GAPVD1: variants seen among roughly 807,000 people sequenced by gnomAD.
The protein encoded by GAPVD1 is GTPase activating protein and VPS9 domains 1, also known as GTPase-activating protein and VPS9 domain-containing protein 1.
Under a neutral mutation model 155.5 loss-of-function variants are expected in GAPVD1, and 35 were observed. The ratio of observed to expected loss-of-function variants is 0.23; its 90% CI spans 0.17 to 0.30. The LOEUF (loss-of-function observed/expected upper bound fraction) is 0.30. GAPVD1 is among the 10% of genes least tolerant of loss of function. The pLI is 1.00. For synonymous variants in GAPVD1, 636 were observed against 619.7 expected (o/e 1.03, Z -0.39); for missense variants, 1,429 against 1,775.7 (o/e 0.80, Z 3.51).
intron 23 of GAPVD1, 56 bp downstream of exon 23, chr9:125,350,928 C>A: frequency 7.6e-7 from 1 of 1,309,470 alleles, no homozygotes; most frequent in East Asian, 2.3e-5. Flanking sequence ...CAAGTGTTTT[C>A]TTTTTTATCC....
intron 26 of GAPVD1, 135 bp from the exon 27 acceptor site, chr9:125,360,393 C>T (rs1850732381): frequency 1.6e-6 from 1 of 625,762 alleles, no homozygotes; most frequent in Non-Finnish European, 2.9e-6. Context: ...GGAAAGGGGC[C>T]TGCAATATGG....
intron 2 of GAPVD1, among the ~76,000 whole-genome samples, chr9:125,269,968 C>T (rs1033570592): frequency 4.6e-5 from 7 of 151,892 alleles, no homozygotes; most frequent in Non-Finnish European, 1.0e-4. Flanking sequence ...ATCTGCCCGC[C>T]TTGGCCTCTG....
At chr9:125,295,429 C>CTTTTTTT (rs35877971) in intron 2 of GAPVD1, 29 bp from the exon 3 acceptor site, 2 of 105,258 alleles carry the variant, frequency 1.9e-5, no homozygotes, top group African/African-American at 3.7e-5. Context: ...TTTCCTCAAT[C>CTTTTTTT]TTTTTTTTTT....
At chr9:125,265,809 A>G (rs1833842018) in intron 1 of GAPVD1, among the ~76,000 whole-genome samples, 1 of 148,020 alleles carries the variant, frequency 6.8e-6, no homozygotes, top group Non-Finnish European at 1.5e-5. Context: ...GCTCATGCCT[A>G]TAATTTTAGC....
chr9:125,309,587 G>A lies in GAPVD1; in HGVS notation c.1441+1707G>A, dbSNP rs534992752. 4.7e-4 allele frequency among the ~76,000 whole-genome samples: 72 copies of A among 152,166 alleles called. 1 individual carries two copies. The South Asian group carries it at 0.015, about 31-fold the overall frequency. On this transcript the variant is annotated intron_variant, in intron 8 of 27. Transcript: ENST00000297933. ...TGACCTCAGGTGATCCACCTGCCTC[G>A]GCCTCCCAAAGGGCTGGGATTACAG...
chr9:125,351,280 C>T (rs1035703533), intron 23 of GAPVD1, among the ~76,000 whole-genome samples: 2 of 152,194 alleles, frequency 1.3e-5, no homozygotes, highest in African/African-American at 4.8e-5. Context: ...TTACCTCCCA[C>T]TGGGTCCCTC....
chr9:125,263,598 C>G, intron 1 of GAPVD1: 4 of 1,425,648 alleles, frequency 2.8e-6, no homozygotes, highest in Non-Finnish European at 3.9e-6. Flanking sequence ...AGGTGGCTGA[C>G]CACGTCCACG....
intron 22 of GAPVD1, 44 bp from the exon 23 acceptor site, chr9:125,350,669 T>A: frequency 8.1e-7 from 1 of 1,238,754 alleles, no homozygotes; most frequent in Non-Finnish European, 1.2e-6. Context: ...TTTAAGCACA[T>A]GGAAATTCTC....
rs1381032272 is a variant in GAPVD1 at position 125,366,353 on chromosome 9, A to G, written c.*3607A>G. ...CACTTTGGACCGAGTAAGGTCAACT[A>G]GGTGTTTTAAAATTGTTTTTCTCCT... is the stretch of plus-strand genomic sequence containing the variant. On this transcript the variant is annotated 3_prime_UTR_variant, in exon 28 of 28. Coordinates refer to ENST00000297933, the MANE Select transcript of GAPVD1 (RefSeq NM_001282680.3). 6.6e-6 allele frequency: 1 copy of G among 152,148 alleles called. No individual in the cohort carries two copies. The highest frequency in any genetic ancestry group is 1.5e-5 in the Non-Finnish European group (1 of 68,030). The allele number at this position is 152,148 out of a possible 1,614,324, so 9.4% of individuals were successfully genotyped here.
intron 15 of GAPVD1, chr9:125,335,172 A>G (rs1265478701): frequency 1.3e-6 from 1 of 759,280 alleles, no homozygotes; most frequent in Non-Finnish European, 2.4e-6. Context: ...GTGAGGCCAG[A>G]TTTTCTTTAT....
At position 125,279,178 on chromosome 9, in the gene GAPVD1, C is replaced by G. The variant is rs1475826136; in HGVS notation, c.-150+10194C>G. On this transcript the variant is annotated intron_variant, in intron 2 of 27. Coordinates refer to ENST00000297933, the MANE Select transcript of GAPVD1 (RefSeq NM_001282680.3). Reference sequence around the variant, plus strand: ...AGTGAGCCGAGATCACACCACTGCACTCGTCTGGGAGACAGAACAAGACTC... The same window carrying G: ...AGTGAGCCGAGATCACACCACTGCAGTCGTCTGGGAGACAGAACAAGACTC... Among the ~76,000 whole-genome samples the G allele has an allele frequency of 2.0e-5, 3 of 150,392 alleles. No homozygotes were observed. In the East Asian group the frequency reaches 5.8e-4, roughly 29 times the overall value.
Position 125,312,594 on chromosome 9 carries a change from G to GA in GAPVD1, c.1585dup (p.Met529AsnfsTer6). On this transcript the variant is annotated frameshift_variant, in exon 9 of 28. Transcript: ENST00000297933. LOFTEE classifies it high-confidence loss of function. ...GTACAGGTCCCCAGCTTACTCCAGG[G>GA]ATGATGTCAGAAAATGAGGTATGAA... 6.3e-7 allele frequency: 1 copy of GA among 1,585,894 alleles called. No homozygotes were observed. The highest frequency in any genetic ancestry group is 8.5e-7 in the Non-Finnish European group (1 of 1,172,142).
At chr9:125,306,684 G>GGA (rs1039261054) in intron 6 of GAPVD1, among the ~76,000 whole-genome samples, 5 of 152,136 alleles carry the variant, frequency 3.3e-5, no homozygotes, top group Non-Finnish European at 5.9e-5. Context: ...ATAGAGACAA[G>GGA]GTTTTGCCCT....
chr9:125,323,359 G>A (rs1844672953), intron 10 of GAPVD1, among the ~76,000 whole-genome samples: 1 of 152,120 alleles, frequency 6.6e-6, no homozygotes, highest in Admixed American at 6.6e-5. Flanking sequence ...AGGCTGGAGT[G>A]CAGTGGCGCG....
In GAPVD1 at chr9:125,341,179, T is replaced by C. The variant is rs137966695; in HGVS notation, c.2880T>C (p.Thr960=). 40 of 1,571,868 alleles carry C rather than the reference T, an allele frequency of 2.5e-5. No individual in the cohort carries two copies. The African/African-American group carries it at 5.0e-4, about 20-fold the overall frequency. ...SPSKDSSRGE[T]EERKDSDDEK... ...AAAGCCTCCAACTTTTTCTACAGAC[T>C]GAAGAACGCAAAGATAGCGATGATG... The change falls in exon 18 of 28, where the codon ACT becomes ACC. Residue 960 remains threonine, a splice_region_variant and synonymous_variant. Coordinates refer to ENST00000297933, the MANE Select transcript of GAPVD1 (RefSeq NM_001282680.3).
Position 125,350,321 on chromosome 9 carries a change from C to T in GAPVD1, c.3326C>T (p.Ala1109Val), listed in dbSNP as rs1849112785. Residue 1109 changes from alanine (A) to valine (V), a missense_variant, in exon 22 of 28, where the codon GCT (alanine) becomes GTT (valine). Ala to Val is a moderately conservative substitution (Grantham distance 64, BLOSUM62 0). Transcript: ENST00000297933. Reference protein sequence around the residue: ...YRDAKKKLRLALCSADSVAFP... With the variant: ...YRDAKKKLRLVLCSADSVAFP... Reference sequence around the variant, plus strand: ...GATGCAAAAAAGAAACTGAGGCTTGCTCTTTGCTCTGCGGACTCTGTTGCC... The same window carrying T: ...GATGCAAAAAAGAAACTGAGGCTTGTTCTTTGCTCTGCGGACTCTGTTGCC... 4 of 1,588,546 alleles carry T rather than the reference C, an allele frequency of 2.5e-6. No individual in the cohort carries two copies. In the South Asian group the frequency reaches 4.7e-5, roughly 19 times the overall value.
intron 15 of GAPVD1, 81 bp from the exon 16 acceptor site, chr9:125,336,937 A>C (rs751033150): frequency 9.5e-5 from 73 of 767,196 alleles, no homozygotes; most frequent in Non-Finnish European, 1.3e-4. Context: ...ACCGTCAAAG[A>C]ATACTTAAAA....
At chr9:125,279,245 G>A (rs1305894841) in intron 2 of GAPVD1, among the ~76,000 whole-genome samples, 2 of 150,728 alleles carry the variant, frequency 1.3e-5, no homozygotes, top group South Asian at 2.1e-4. Context: ...GTACTCTTTT[G>A]CCCTATTACA....
chr9:125,313,307 C>CTT (rs551168378), intron 9 of GAPVD1, among the ~76,000 whole-genome samples: 10 of 137,838 alleles, frequency 7.3e-5, no homozygotes, highest in Non-Finnish European at 1.1e-4. Context: ...TTTTCTTTTT[C>CTT]TTTTTTTTTT....
Sources: gnomAD v4.1 joint callset for allele counts (sites outside exome capture counted in the v4.1 genomes callset) on GRCh38, gnomAD v4.1.1 for gene constraint, MANE v1.5 for transcripts, NCBI Gene and HGNC (gene_info 2026-07-23, HGNC 2026-07-21) for gene names.